Variants in RPRD1A observed in about 807,000 individuals in gnomAD.
The protein encoded by RPRD1A is regulation of nuclear pre-mRNA domain-containing protein 1A.
In RPRD1A, 9 loss-of-function variants were observed where a neutral mutation model predicts 37.8. The observed-to-expected ratio is 0.24, with a 90% CI of 0.14 to 0.42. The LOEUF (loss-of-function observed/expected upper bound fraction) is 0.42, where lower values mean the gene tolerates loss of function less well. Among genes scored for constraint, RPRD1A ranks in the 10% least tolerant of loss-of-function variants. The pLI is 1.00. For missense variants in RPRD1A, 255 were observed against 371.0 expected (o/e 0.69, Z 2.57); for synonymous variants, 138 against 139.7 (o/e 0.99, Z 0.08).
At chr18:36,061,916 C>G (rs2088918843) in intron 1 of RPRD1A, among the ~76,000 whole-genome samples, 1 of 152,154 alleles carries the variant, frequency 6.6e-6, no homozygotes, top group African/African-American at 2.4e-5. Context: ...ATATCAAAAT[C>G]ATGAGATACC....
At chr18:35,999,090 A>G (rs1057318711) in intron 6 of RPRD1A, among the ~76,000 whole-genome samples, 1 of 150,300 alleles carries the variant, frequency 6.7e-6, no homozygotes. Flanking sequence ...ATACTACTAT[A>G]CAAGTTATTT....
At chr18:36,007,714 C>T (rs554587705) in intron 6 of RPRD1A, among the ~76,000 whole-genome samples, 126 of 151,988 alleles carry the variant, frequency 8.3e-4, no homozygotes, top group Non-Finnish European at 1.6e-3. Flanking sequence ...CTGAGGTGGG[C>T]GGATCACGAG....
At chr18:36,032,952 A>G (rs1598635655) in intron 2 of RPRD1A, among the ~76,000 whole-genome samples, 2 of 152,318 alleles carry the variant, frequency 1.3e-5, no homozygotes, top group Middle Eastern at 6.8e-3. Context: ...GTAAGTCATT[A>G]CGGTGTGGAG....
intron 1 of RPRD1A, among the ~76,000 whole-genome samples, chr18:36,035,774 T>C (rs750197501): frequency 2.0e-5 from 3 of 152,124 alleles, no homozygotes; most frequent in Admixed American, 6.5e-5. Flanking sequence ...AAGAAGGAAA[T>C]GTTGACGCAT....
intron 1 of RPRD1A, 42 bp downstream of exon 1, chr18:36,067,212 G>A (rs1313148974): frequency 2.6e-6 from 4 of 1,522,518 alleles, no homozygotes; most frequent in African/African-American, 2.8e-5. Context: ...CCTGGAGGCC[G>A]GCCGGGTGGT....
Position 35,992,901 on chromosome 18 carries a change from C to A in RPRD1A, c.*250G>T, listed in dbSNP as rs534842928. 1 of 316,140 alleles carries A rather than the reference C, an allele frequency of 3.2e-6. No individual in the cohort carries two copies. The highest frequency in any genetic ancestry group is 5.6e-5 in the East Asian group (1 of 17,810). 19.6% of individuals were successfully genotyped at this position (316,140 alleles called of 1,614,324 possible). The stretch of plus-strand genomic sequence containing the variant: ...TCAAAAAAAAAATTTACAAAAAGAT[C>A]TTTTGAAAATAATCACTATTTGTGA... On this transcript the variant is annotated 3_prime_UTR_variant, in exon 7 of 7. Transcript: ENST00000399022.
At chr18:35,997,444 T>C (rs181063029) in intron 6 of RPRD1A, among the ~76,000 whole-genome samples, 36 of 152,278 alleles carry the variant, frequency 2.4e-4, no homozygotes, top group Non-Finnish European at 4.9e-4. Flanking sequence ...CTTTCACACA[T>C]GTGTATATAC....
chr18:35,999,965 C>T (rs546081221), intron 6 of RPRD1A, among the ~76,000 whole-genome samples: 2 of 152,218 alleles, frequency 1.3e-5, no homozygotes, highest in African/African-American at 4.8e-5. Flanking sequence ...ACTTTTACTT[C>T]ATTTTTCATG....
intron 6 of RPRD1A, among the ~76,000 whole-genome samples, chr18:36,014,072 T>G (rs917277777): frequency 6.6e-6 from 1 of 152,202 alleles, no homozygotes; most frequent in African/African-American, 2.4e-5. Context: ...CACACCTACA[T>G]ACACATACAT....
intron 1 of RPRD1A, chr18:36,052,837 A>G (rs1306322800): frequency 6.6e-6 from 1 of 152,128 alleles, no homozygotes; most frequent in African/African-American, 2.4e-5. Context: ...TGACCTCGTG[A>G]TCCACCCGCC....
intron 2 of RPRD1A, among the ~76,000 whole-genome samples, chr18:36,033,017 A>C (rs962193937): frequency 2.5e-4 from 38 of 152,234 alleles, no homozygotes; most frequent in Non-Finnish European, 3.8e-4. Context: ...TAAAGAATGG[A>C]AACAGGCCAG....
chr18:36,018,191 TTTATTTA>T (rs1910730371), intron 6 of RPRD1A, among the ~76,000 whole-genome samples: 1 of 146,654 alleles, frequency 6.8e-6, no homozygotes, highest in Admixed American at 6.7e-5. Context: ...TTCAATCATT[TTTATTTA>T]TTAAAGTATC....
At chr18:36,032,443 C>G (rs1374436179) in intron 2 of RPRD1A, among the ~76,000 whole-genome samples, 1 of 152,172 alleles carries the variant, frequency 6.6e-6, no homozygotes, top group Non-Finnish European at 1.5e-5. Context: ...AGACAGAGGT[C>G]TGGGGAGATA....
intron 6 of RPRD1A, among the ~76,000 whole-genome samples, chr18:36,021,530 C>CTA (rs1910994617): frequency 6.6e-6 from 1 of 152,158 alleles, no homozygotes; most frequent in Admixed American, 6.5e-5. Context: ...ACCATGGCCT[C>CTA]TAAATGTTCA....
chr18:36,067,199 G>A, intron 1 of RPRD1A, 55 bp downstream of exon 1: 12 of 1,504,916 alleles, frequency 8.0e-6, no homozygotes, highest in Non-Finnish European at 8.9e-6. Flanking sequence ...GTTCCCGGGG[G>A]CGCCTGGAGG....
intron 1 of RPRD1A, among the ~76,000 whole-genome samples, chr18:36,035,040 T>C (rs1451556103): frequency 1.3e-5 from 2 of 152,226 alleles, no homozygotes; most frequent in Admixed American, 1.3e-4. Context: ...TAAGAAGAGA[T>C]GGCTATAACA....
At chr18:36,018,305 G>A (rs1227160619) in intron 6 of RPRD1A, among the ~76,000 whole-genome samples, 4 of 143,024 alleles carry the variant, frequency 2.8e-5, no homozygotes, top group African/African-American at 7.9e-5. Context: ...AAGGAGTCTC[G>A]CTCTGTCGCC....
chr18:36,047,594 A>C (rs1913048365), intron 1 of RPRD1A, among the ~76,000 whole-genome samples: 1 of 152,232 alleles, frequency 6.6e-6, no homozygotes, highest in South Asian at 2.1e-4. Context: ...AGAATGACAA[A>C]GAAACAAGAG....
Position 36,026,989 on chromosome 18 carries a change from T to A in RPRD1A, c.700A>T (p.Ile234Leu). The A allele has an allele frequency of 6.2e-7, 1 of 1,614,082 alleles. No individual in the cohort carries two copies. The highest frequency in any genetic ancestry group is 8.5e-7 in the Non-Finnish European group (1 of 1,179,930). ...ADYNGRLAAE[I>L]DDRKQLTRML... ...CGAGTGAGTTGCTTTCTATCATCTATTTCTGCCGCCAATCTGCCATTGTAA... is the reference window on the plus strand; with the variant it reads ...CGAGTGAGTTGCTTTCTATCATCTAATTCTGCCGCCAATCTGCCATTGTAA... The change falls in exon 6 of 7, where the codon ATA (isoleucine) becomes TTA (leucine). Residue 234 changes from isoleucine to leucine, a missense_variant. This residue lies in a region of RPRD1A where 211 missense variants were observed against 268.9 expected (regional missense o/e 0.78). Coordinates refer to ENST00000399022, the MANE Select transcript of RPRD1A (RefSeq NM_018170.5).
Sources: gnomAD v4.1 joint callset for allele counts (sites outside exome capture counted in the v4.1 genomes callset) on GRCh38, gnomAD v4.1.1 for gene constraint, gnomAD v4.1.1 regional missense constraint, MANE v1.5 for transcripts, NCBI Gene and HGNC (gene_info 2026-07-23, HGNC 2026-07-21) for gene names.